Variants in ZNF43 observed in about 807,000 individuals in gnomAD.
ZNF43 encodes zinc finger protein 39-like 1 (KOX 27).
In ZNF43, 44 loss-of-function variants were observed where a neutral mutation model predicts 68.4. That is an observed-to-expected ratio of 0.64 (90% CI 0.51 to 0.83). The LOEUF (loss-of-function observed/expected upper bound fraction) is 0.83, where lower values mean the gene tolerates loss of function less well. ZNF43 is among the 40% of genes least tolerant of loss of function. The pLI is 0.00. For missense variants in ZNF43, 896 were observed against 933.2 expected, an observed-to-expected ratio of 0.96 and a Z score of 0.52; for synonymous variants, 308 against 307.8, an observed-to-expected ratio of 1.00 and a Z score of -0.01.
At chr19:21,824,732 T>TAAAAAAAAAAAAAAAAAAAAAAAAAAAA (rs34739856) in intron 1 of ZNF43, among the ~76,000 whole-genome samples, 1 of 107,248 alleles carries the variant, frequency 9.3e-6, no homozygotes, top group Non-Finnish European at 2.0e-5. Flanking sequence ...TATGTTTACC[T>TAAAAAAAAAAAAAAAAAAAAAAAAAAAA]AAAAAAAAAA....
Position 21,808,107 on chromosome 19 carries a change from G to C in ZNF43, c.1930C>G (p.His644Asp). The stretch of plus-strand genomic sequence containing the variant: ...CATTTGTAGGGTTTCTCCTCAGTGT[G>C]AATTATCTTATGTTTAGTAAGAGTT... ...FSTLTKHKII[H>D]TEEKPYKCEE... Residue 644 changes from histidine to aspartate, a missense_variant, in exon 4 of 4, where the codon CAC (histidine) becomes GAC (aspartate). Physicochemically the swap from His to Asp is moderately conservative, Grantham distance 81. Transcript: ENST00000354959. 1 of 1,613,022 alleles carries C rather than the reference G, an allele frequency of 6.2e-7. No homozygotes were observed. Among genetic ancestry groups the C allele is most frequent in the African/African-American group, 1.3e-5 (1 of 74,976 alleles).
chr19:21,823,976 T>C (rs1251603073), intron 1 of ZNF43, among the ~76,000 whole-genome samples: 4 of 151,976 alleles, frequency 2.6e-5, no homozygotes, highest in African/African-American at 4.8e-5. Context: ...CGAGGTCAGA[T>C]CAAGACCATC....
At chr19:21,846,453 C>CTA (rs1342038806) in intron 1 of ZNF43, among the ~76,000 whole-genome samples, 2 of 152,106 alleles carry the variant, frequency 1.3e-5, no homozygotes, top group African/African-American at 2.4e-5. Context: ...ACAATCTGAC[C>CTA]TATGGACAAA....
intron 1 of ZNF43, among the ~76,000 whole-genome samples, chr19:21,823,374 C>T (rs2435003): frequency 0.089 from 13,592 of 152,100 alleles, 856 homozygotes; most frequent in South Asian, 0.21. Flanking sequence ...TACCATCTTA[C>T]ACAAGATGAG....
chr19:21,851,827 G>A (rs1466845955), intron 1 of ZNF43: 2 of 1,461,572 alleles, frequency 1.4e-6, no homozygotes, highest in Non-Finnish European at 1.8e-6. Flanking sequence ...GGACTCAGGA[G>A]CGGACTGTGA....
intron 1 of ZNF43, among the ~76,000 whole-genome samples, chr19:21,829,452 T>C (rs564672554): frequency 3.9e-5 from 6 of 152,316 alleles, no homozygotes; most frequent in African/African-American, 1.2e-4. Flanking sequence ...AACTTCTGTG[T>C]GCTCTTAAAA....
intron 1 of ZNF43, among the ~76,000 whole-genome samples, chr19:21,846,370 A>G (rs1373367005): frequency 6.6e-6 from 1 of 152,230 alleles, no homozygotes; most frequent in African/African-American, 2.4e-5. Flanking sequence ...TAAGAATCAC[A>G]TCACCTGTGT....
intron 1 of ZNF43, among the ~76,000 whole-genome samples, chr19:21,823,387 A>G (rs552295893): frequency 6.6e-6 from 1 of 152,302 alleles, no homozygotes; most frequent in South Asian, 2.1e-4. Context: ...AAGATGAGAA[A>G]CAAGAACAGC....
chr19:21,830,699 A>G (rs2038387007), intron 1 of ZNF43, among the ~76,000 whole-genome samples: 1 of 151,664 alleles, frequency 6.6e-6, no homozygotes, highest in South Asian at 2.1e-4. Flanking sequence ...AAAAGCTGAT[A>G]CCATTCTTAC....
rs869257892 is a variant in ZNF43 at position 21,844,896 on chromosome 19, C to CAAA, written c.30+7006_30+7008dup. On this transcript the variant is annotated intron_variant, in intron 1 of 3. Coordinates refer to the ZNF43 transcript ENST00000357491. ...TGGGCGACAGAGCAAGATTCCGTCT[C>CAAA]AAAAAAAAAAAAAAAAAAAAAAAAA... Among the ~76,000 whole-genome samples the CAAA allele has an allele frequency of 3.6e-4, 13 of 35,790 alleles. 1 individual carries two copies. The highest frequency in any genetic ancestry group is 1.1e-3 in the Admixed American group (2 of 1,772). 23.5% of individuals were successfully genotyped at this position (35,790 alleles called of 152,430 possible).
rs1281819253 is a variant in ZNF43, at chr19:21,819,153, T to C, written c.72A>G (p.Ala24=). 1.2e-6 allele frequency: 2 copies of C among 1,611,258 alleles called. No individual in the cohort carries two copies. The highest frequency in any genetic ancestry group is 1.3e-5 in the African/African-American group (1 of 74,820). The change falls in exon 2 of 4, where the codon GCA becomes GCG. Residue 24 remains alanine (A), a synonymous_variant. Coordinates refer to ENST00000354959, the MANE Select transcript of ZNF43 (RefSeq NM_003423.4). ...TCACATTCCTATATAAATTCTGCTG[T>C]GCAATGTCCAGGCATTGCCACTCCT... ...CLEEWQCLDI[A]QQNLYRNVML... is the part of the protein sequence containing the mutation.
chr19:21,824,050 G>A (rs1223783386), intron 1 of ZNF43, among the ~76,000 whole-genome samples: 2 of 152,082 alleles, frequency 1.3e-5, no homozygotes, highest in African/African-American at 2.4e-5. Context: ...TTAGCCGGGC[G>A]TGGTGATGGG....
At chr19:21,826,254 GTT>G (rs1387064732) in intron 1 of ZNF43, among the ~76,000 whole-genome samples, 7 of 151,950 alleles carry the variant, frequency 4.6e-5, no homozygotes, top group Non-Finnish European at 1.0e-4. Context: ...GAAAGAAAAA[GTT>G]TCCTCTAGAT....
chr19:21,851,539 CAAAAAAAAAAAA>C (rs759516277), intron 1 of ZNF43, among the ~76,000 whole-genome samples: 3 of 64,848 alleles, frequency 4.6e-5, no homozygotes, highest in Admixed American at 1.8e-4. Flanking sequence ...GATTCCCTCT[CAAAAAAAAAAAA>C]AAAAAAAAAA....
chr19:21,818,924 T>TGAAA (rs1022388399), intron 2 of ZNF43, among the ~76,000 whole-genome samples, 171 bp downstream of exon 2: 67 of 152,114 alleles, frequency 4.4e-4, no homozygotes, highest in African/African-American at 1.5e-3. Flanking sequence ...CAGGTCAAGA[T>TGAAA]GAAACATCTT....
rs1038236128 is a variant in ZNF43 at position 21,805,038 on chromosome 19, G to A, written c.*2569C>T. Reference sequence around the variant, plus strand: ...CCCTGTAGTCAATAACAATTTAATTGTACATTAAAATAATGAAGTGTAGAA... The same window carrying A: ...CCCTGTAGTCAATAACAATTTAATTATACATTAAAATAATGAAGTGTAGAA... On this transcript the variant is annotated 3_prime_UTR_variant, in exon 4 of 4. Transcript: ENST00000354959. 2.0e-5 allele frequency: 3 copies of A among 152,086 alleles called. No individual in the cohort carries two copies. The highest frequency in any genetic ancestry group is 4.4e-5 in the Non-Finnish European group (3 of 68,012). 9.4% of individuals were successfully genotyped at this position (152,086 alleles called of 1,614,324 possible).
In ZNF43 at chr19:21,824,144, C is replaced by T. The variant is rs1048416368; in HGVS notation, c.4-4923G>A. Among the ~76,000 whole-genome samples the T allele has an allele frequency of 4.5e-4, 68 of 152,252 alleles. 1 individual carries two copies. Among genetic ancestry groups the T allele is most frequent in the African/African-American group, 1.6e-3 (66 of 41,550 alleles). On this transcript the variant is annotated intron_variant, in intron 1 of 3. Transcript: ENST00000354959. ...GAGCTTGCAGTGCACCAAGATCGTGCCACTGCGCTCCAGCCCAGGGCGACA... is the reference window on the plus strand; with the variant it reads ...GAGCTTGCAGTGCACCAAGATCGTGTCACTGCGCTCCAGCCCAGGGCGACA...
chr19:21,828,321 T>C (rs2038233751), intron 1 of ZNF43, among the ~76,000 whole-genome samples: 1 of 152,244 alleles, frequency 6.6e-6, no homozygotes, highest in Non-Finnish European at 1.5e-5. Context: ...GATTCATGCC[T>C]GTAATCCCAG....
At chr19:21,816,330 T>A (rs2037526796) in intron 3 of ZNF43, among the ~76,000 whole-genome samples, 1 of 152,098 alleles carries the variant, frequency 6.6e-6, no homozygotes, top group Non-Finnish European at 1.5e-5. Context: ...CAAGACCCCA[T>A]CTGAAAAATA....
Sources: gnomAD v4.1 joint callset for allele counts (sites outside exome capture counted in the v4.1 genomes callset) on GRCh38, gnomAD v4.1.1 for gene constraint, MANE v1.5 for transcripts, NCBI Gene and HGNC (gene_info 2026-07-23, HGNC 2026-07-21) for gene names.